The following RASSF8 variants were observed in gnomAD, a reference collection of about 807,000 sequenced individuals.
RASSF8 encodes the protein Ras association domain family member 8.
RASSF8 carries 22 observed loss-of-function variants against 48.5 expected under a neutral mutation model. That is an observed-to-expected ratio of 0.45 (90% CI 0.32 to 0.65). The LOEUF (loss-of-function observed/expected upper bound fraction) is 0.65, where lower values mean the gene tolerates loss of function less well. RASSF8 is among the 30% of genes least tolerant of loss of function. RASSF8 has a pLI of 0.03. For missense variants in RASSF8, 418 were observed against 489.2 expected (o/e 0.85, Z 1.37); for synonymous variants, 127 against 171.5 (o/e 0.74, Z 2.03).
intron 1 of RASSF8, among the ~76,000 whole-genome samples, chr12:25,989,051 C>A (rs940529835): frequency 6.6e-6 from 1 of 152,198 alleles, no homozygotes; most frequent in Non-Finnish European, 1.5e-5. Context: ...CCAACAGAGC[C>A]TTGTACTTAC....
At chr12:26,052,223 C>G (rs1450260646) in intron 2 of RASSF8, among the ~76,000 whole-genome samples, 1 of 152,096 alleles carries the variant, frequency 6.6e-6, no homozygotes, top group Non-Finnish European at 1.5e-5. Flanking sequence ...ATGGAATCTG[C>G]AAATAATGAA....
intron 2 of RASSF8, among the ~76,000 whole-genome samples, chr12:26,001,673 C>T (rs1416128154): frequency 6.6e-6 from 1 of 152,024 alleles, no homozygotes; most frequent in Non-Finnish European, 1.5e-5. Context: ...TCCTGTCGTA[C>T]TGGAAGGTCT....
chr12:25,980,612 G>C (rs1217357314), intron 1 of RASSF8, among the ~76,000 whole-genome samples: 1 of 152,174 alleles, frequency 6.6e-6, no homozygotes, highest in Non-Finnish European at 1.5e-5. Flanking sequence ...GTGCTTTACA[G>C]TTGTATCAGT....
rs1943986798 is a variant in RASSF8, at chr12:26,070,961, T to C, written c.*2143T>C. On this transcript the variant is annotated 3_prime_UTR_variant, in exon 6 of 6. Coordinates refer to ENST00000689635, the MANE Select transcript of RASSF8 (RefSeq NM_001394098.1). The stretch of plus-strand genomic sequence containing the variant: ...AGCATCCTAGCAACTTGTAGTAGTC[T>C]TGGGTTCCCAGCAGAGTATCACAGT... The C allele has an allele frequency of 2.0e-6, 2 of 984,390 alleles. No homozygotes were observed. Among genetic ancestry groups the C allele is most frequent in the Non-Finnish European group, 2.4e-6 (2 of 829,090 alleles). The allele number at this position is 984,390 out of a possible 1,614,324, so 61.0% of individuals were successfully genotyped here.
chr12:26,065,365 G>A lies in RASSF8; in HGVS notation c.971G>A (p.Gly324Glu). The A allele has an allele frequency of 3.1e-6, 5 of 1,612,358 alleles. No individual in the cohort carries two copies. The highest frequency in any genetic ancestry group is 4.2e-6 in the Non-Finnish European group (5 of 1,179,104). Residue 324 changes from glycine (G) to glutamate (E), a missense_variant, in exon 4 of 6, where the codon GGA (glycine) becomes GAA (glutamate). Gly to Glu is a moderately conservative substitution (Grantham distance 98, BLOSUM62 -2). Coordinates refer to ENST00000689635, the MANE Select transcript of RASSF8 (RefSeq NM_001394098.1). ...ATCAAAGCTGTGGAAAGATCTCTTG[G>A]ACAAGCCACCAAACGCTTACAGGTA... is the stretch of plus-strand genomic sequence containing the variant. ...NGIKAVERSL[G>E]QATKRLQDKE...
chr12:25,998,784 G>A (rs181360007), intron 2 of RASSF8, among the ~76,000 whole-genome samples: 113 of 152,034 alleles, frequency 7.4e-4, no homozygotes, highest in African/African-American at 2.5e-3. Flanking sequence ...ATGTGTGGGC[G>A]TGTATGTGTG....
intron 2 of RASSF8, among the ~76,000 whole-genome samples, chr12:26,043,333 A>T (rs1443895399): frequency 6.6e-6 from 1 of 152,158 alleles, no homozygotes; most frequent in Admixed American, 6.5e-5. Context: ...AGAGTGATAG[A>T]TTGAGAGAAC....
At chr12:26,003,803 C>G (rs911441809) in intron 2 of RASSF8, among the ~76,000 whole-genome samples, 1 of 151,808 alleles carries the variant, frequency 6.6e-6, no homozygotes, top group Non-Finnish European at 1.5e-5. Context: ...TAAGGTTGAC[C>G]TGATGTCTAT....
chr12:26,062,440 ATAT>A lies in RASSF8; in HGVS notation c.104-2056_104-2054del, dbSNP rs200460188. 4.5e-3 allele frequency among the ~76,000 whole-genome samples: 678 copies of A among 152,340 alleles called. 6 individuals are homozygous for A. The highest frequency in any genetic ancestry group is 0.015 in the African/African-American group (644 of 41,568). On this transcript the variant is annotated intron_variant, in intron 3 of 5. Transcript: ENST00000689635. ...TCTAGCACTTTTCAATTTCACAAACATATTTATATTTTACATTCTCACTTGAGT... is the reference window on the plus strand; with the variant it reads ...TCTAGCACTTTTCAATTTCACAAACATTATATTTTACATTCTCACTTGAGT...
At chr12:26,060,146 CTCGG>C (rs529300363) in intron 3 of RASSF8, among the ~76,000 whole-genome samples, 234 of 152,294 alleles carry the variant, frequency 1.5e-3, no homozygotes, top group African/African-American at 5.3e-3. Context: ...ATCTGCCCGC[CTCGG>C]CCTCCCAAAG....
At chr12:25,995,559 C>G (rs1942113421) in intron 2 of RASSF8, among the ~76,000 whole-genome samples, 1 of 152,276 alleles carries the variant, frequency 6.6e-6, no homozygotes, top group East Asian at 1.9e-4. Flanking sequence ...ACTAGTTTTT[C>G]AGACTTTTCT....
rs1942280385 is a variant in RASSF8 at position 26,002,372 on chromosome 12, G to A, written c.-109+7242G>A. Among the ~76,000 whole-genome samples, 4 of 152,156 alleles carry A rather than the reference G, an allele frequency of 2.6e-5. No individual in the cohort carries two copies. In the South Asian group the frequency reaches 8.3e-4, roughly 32 times the overall value. ...CGCTTGAACCCAGAGGGTGGAGGGT[G>A]CAGTGAGCCGAGATTGCGTCACTGC... is the stretch of plus-strand genomic sequence containing the variant. On this transcript the variant is annotated intron_variant, in intron 2 of 5. Coordinates refer to ENST00000689635, the MANE Select transcript of RASSF8 (RefSeq NM_001394098.1).
At chr12:26,054,643 C>A (rs1943562867) in intron 2 of RASSF8, among the ~76,000 whole-genome samples, 1 of 151,760 alleles carries the variant, frequency 6.6e-6, no homozygotes, top group African/African-American at 2.4e-5. Flanking sequence ...GCAAGGGACA[C>A]ATTTAAAACA....
chr12:25,995,529 C>T (rs1942112900), intron 2 of RASSF8, among the ~76,000 whole-genome samples: 1 of 152,116 alleles, frequency 6.6e-6, no homozygotes, highest in Non-Finnish European at 1.5e-5. Flanking sequence ...TAATGAAAGG[C>T]TAGAAAATCT....
At chr12:26,074,402 G>A (rs1944052504), downstream of RASSF8, among the ~76,000 whole-genome samples, 1 of 152,094 alleles carries the variant, frequency 6.6e-6, no homozygotes, top group Non-Finnish European at 1.5e-5. Context: ...GACGGCAATG[G>A]CCTGATCTCG....
intron 2 of RASSF8, among the ~76,000 whole-genome samples, chr12:26,030,897 TAGAC>T (rs1943016753): frequency 6.6e-6 from 1 of 152,182 alleles, no homozygotes; most frequent in African/African-American, 2.4e-5. Context: ...TGAGCAGCCA[TAGAC>T]AGTACGTAAA....
intron 1 of RASSF8, among the ~76,000 whole-genome samples, chr12:25,985,532 A>G (rs935394115): frequency 2.0e-5 from 3 of 152,246 alleles, no homozygotes; most frequent in Non-Finnish European, 4.4e-5. Flanking sequence ...AAGGAGGGGT[A>G]GGCAGATGGC....
chr12:26,041,093 C>T (rs921244876), intron 2 of RASSF8, among the ~76,000 whole-genome samples: 2 of 151,654 alleles, frequency 1.3e-5, no homozygotes, highest in South Asian at 2.1e-4. Context: ...GGGGTTTCAC[C>T]TTGTTAGCCA....
intron 2 of RASSF8, among the ~76,000 whole-genome samples, chr12:26,000,990 T>TC (rs1339787813): frequency 7.4e-6 from 1 of 135,858 alleles, no homozygotes; most frequent in Non-Finnish European, 1.6e-5. Context: ...TCCTTTTTTT[T>TC]TTTTTTTTTT....
Sources: gnomAD v4.1 joint callset for allele counts (sites outside exome capture counted in the v4.1 genomes callset) on GRCh38, gnomAD v4.1.1 for gene constraint, MANE v1.5 for transcripts, NCBI Gene and HGNC (gene_info 2026-07-23, HGNC 2026-07-21) for gene names.